The following ZNF354B variants were observed in gnomAD, a reference collection of about 807,000 sequenced individuals.
The protein encoded by ZNF354B is zinc finger protein 354B.
ZNF354B carries 10 observed loss-of-function variants against 12.9 expected under a neutral mutation model. That is an observed-to-expected ratio of 0.77 (90% CI 0.48 to 1.31). The LOEUF is 1.31. Ranked by LOEUF, ZNF354B falls within the 40% of genes most tolerant of loss-of-function variation. The probability of loss-of-function intolerance (pLI) is 0.00; values close to 1 mark genes in which losing one functional copy is unlikely to be tolerated. For synonymous variants in ZNF354B, 260 were observed against 243.7 expected (o/e 1.07, Z -0.62); for missense variants, 614 against 711.7 (o/e 0.86, Z 1.56).
chr5:178,868,390 C>T (rs1757497701), intron 4 of ZNF354B, among the ~76,000 whole-genome samples: 1 of 149,252 alleles, frequency 6.7e-6, no homozygotes, highest in Non-Finnish European at 1.5e-5. Context: ...AGTGGTTGAA[C>T]TGGGGGGGCT....
chr5:178,870,525 C>T (rs1160897656), intron 4 of ZNF354B, among the ~76,000 whole-genome samples: 4 of 152,332 alleles, frequency 2.6e-5, no homozygotes, highest in Middle Eastern at 6.8e-3. Context: ...AATGATCTGT[C>T]CCCCTCAGCC....
rs373461005 is a variant in ZNF354B at position 178,883,480 on chromosome 5, G to A, written c.1028G>A (p.Gly343Glu). Residue 343 changes from glycine to glutamate, a missense_variant, in exon 5 of 5, where the codon GGA becomes GAA. Coordinates refer to ENST00000322434, the MANE Select transcript of ZNF354B (RefSeq NM_058230.3). ...TCCAGTTACAGCACTTCCCTTTCTG[G>A]AAGTCAGAAAATTCATCTCAGAAAG... ...KASSYSTSLS[G>E]SQKIHLRKKS... The A allele has an allele frequency of 5.2e-5, 84 of 1,613,946 alleles. No individual in the cohort carries two copies. The highest frequency in any genetic ancestry group is 1.6e-4 in the Middle Eastern group (1 of 6,084).
At chr5:178,871,317 C>T (rs1318268521) in intron 4 of ZNF354B, among the ~76,000 whole-genome samples, 1 of 152,210 alleles carries the variant, frequency 6.6e-6, no homozygotes, top group African/African-American at 2.4e-5. Flanking sequence ...CTCAGGGCCT[C>T]TGCCCTGCTT....
intron 4 of ZNF354B, among the ~76,000 whole-genome samples, chr5:178,874,466 T>G (rs1757607829): frequency 6.6e-6 from 1 of 152,248 alleles, no homozygotes; most frequent in Non-Finnish European, 1.5e-5. Context: ...TTTTTATCTG[T>G]CTATCTGGCT....
Position 178,883,253 on chromosome 5 carries a change from G to A in ZNF354B, c.801G>A (p.Glu267=), listed in dbSNP as rs147300334. 3.1e-4 allele frequency: 500 copies of A among 1,612,906 alleles called. 3 individuals carry two copies. In the African/African-American group the frequency reaches 5.9e-3, roughly 19 times the overall value. Residue 267 remains glutamate (E), a synonymous_variant, in exon 5 of 5, where the codon GAG becomes GAA. Coordinates refer to ENST00000322434, the MANE Select transcript of ZNF354B (RefSeq NM_058230.3). ...LIQHQRTHTG[E]KPYICKECGK... is the part of the protein sequence containing the mutation. ...AACATCAAAGAACTCATACAGGAGA[G>A]AAACCCTATATATGTAAAGAATGTG...
chr5:178,879,066 T>G (rs1184039359), intron 4 of ZNF354B, among the ~76,000 whole-genome samples: 1 of 151,110 alleles, frequency 6.6e-6, no homozygotes, highest in Admixed American at 6.6e-5. Context: ...CTTTTTTTTT[T>G]GAACTGGAGT....
chr5:178,869,831 G>A (rs757716159), intron 4 of ZNF354B, among the ~76,000 whole-genome samples: 16 of 152,112 alleles, frequency 1.1e-4, no homozygotes, highest in Non-Finnish European at 1.9e-4. Flanking sequence ...AAGTCAGATG[G>A]CATTCCTAGG....
chr5:178,882,929 A>C lies in ZNF354B; in HGVS notation c.477A>C (p.Lys159Asn), dbSNP rs1757741775. ...TKILTVDRSH[K>N]NVEFGQNFYL... is the part of the protein sequence containing the mutation. ...TCCTTACTGTAGATAGAAGCCATAA[A>C]AATGTTGAATTTGGCCAAAACTTCT... is the stretch of plus-strand genomic sequence containing the variant. The change falls in exon 5 of 5, where the codon AAA becomes AAC. Residue 159 changes from lysine (K) to asparagine (N), a missense_variant. Lys to Asn is a moderately conservative substitution (Grantham distance 94). Coordinates refer to ENST00000322434, the MANE Select transcript of ZNF354B (RefSeq NM_058230.3). The C allele has an allele frequency of 6.2e-7, 1 of 1,600,320 alleles. No individual in the cohort carries two copies. Among genetic ancestry groups the C allele is most frequent in the African/African-American group, 1.4e-5 (1 of 74,002 alleles).
In ZNF354B at chr5:178,884,551, GCTAT is replaced by G. The variant is rs536000292; in HGVS notation, c.*265_*268del. On this transcript the variant is annotated 3_prime_UTR_variant, in exon 5 of 5. Coordinates refer to ENST00000322434, the MANE Select transcript of ZNF354B (RefSeq NM_058230.3). The stretch of plus-strand genomic sequence containing the variant: ...TATAAAATCTCTTTATATAATATAT[GCTAT>G]CTATGACATGCAAAAAAGAAAAGTC... 5.3e-5 allele frequency: 17 copies of G among 318,098 alleles called. No individual in the cohort carries two copies. In the South Asian group the frequency reaches 1.4e-3, roughly 26 times the overall value. 19.7% of individuals were successfully genotyped at this position (318,098 alleles called of 1,614,324 possible).
intron 4 of ZNF354B, among the ~76,000 whole-genome samples, chr5:178,872,346 C>T (rs1054096651): frequency 2.0e-5 from 3 of 151,962 alleles, no homozygotes; most frequent in African/African-American, 4.8e-5. Context: ...ATTGCTGAGT[C>T]GTGTTCCATA....
chr5:178,866,266 T>G lies in ZNF354B; in HGVS notation c.56T>G (p.Val19Gly). The stretch of plus-strand genomic sequence containing the variant: ...CAGGTGTCACTGACATTCGAGGACG[T>G]GGCTGTGCTCTTTACCTGGGATGAG... ...RPQVSLTFED[V>G]AVLFTWDEWR... The change falls in exon 3 of 5, where the codon GTG (valine) becomes GGG (glycine). Residue 19 changes from valine to glycine, a missense_variant. Val to Gly is a moderately radical substitution (Grantham distance 109, BLOSUM62 -3). Coordinates refer to ENST00000322434, the MANE Select transcript of ZNF354B (RefSeq NM_058230.3). 1 of 1,614,142 alleles carries G rather than the reference T, an allele frequency of 6.2e-7. No individual in the cohort carries two copies. The highest frequency in any genetic ancestry group is 8.5e-7 in the Non-Finnish European group (1 of 1,180,002).
chr5:178,861,075 C>A lies in ZNF354B; in HGVS notation c.28C>A (p.Pro10Thr), dbSNP rs1409375007. The A allele has an allele frequency of 8.7e-7, 1 of 1,155,002 alleles. No homozygotes were observed. Among genetic ancestry groups the A allele is most frequent in the East Asian group, 2.5e-5 (1 of 39,670 alleles). 71.5% of individuals were successfully genotyped at this position (1,155,002 alleles called of 1,614,324 possible). A position where few individuals can be genotyped will look rare whatever the true frequency, so the allele number is the denominator to read the frequency against. The change falls in exon 2 of 5, where the codon CCC (proline) becomes ACC (threonine). Residue 10 changes from proline (P) to threonine (T), a missense_variant. Pro to Thr is a conservative substitution (Grantham distance 38). Coordinates refer to ENST00000322434, the MANE Select transcript of ZNF354B (RefSeq NM_058230.3). ...GGCTGCTGGGCAGCGGGAAGCGAGG[C>A]CCCAGGTGAGCTCATTGCCCTCCCA... MAAGQREAR[P>T]QVSLTFEDVA...
At chr5:178,881,732 C>T (rs914020317) in intron 4 of ZNF354B, among the ~76,000 whole-genome samples, 2 of 152,250 alleles carry the variant, frequency 1.3e-5, no homozygotes, top group Middle Eastern at 3.4e-3. Flanking sequence ...CAGCCTCCAC[C>T]TCCCAGGTTC....
In ZNF354B at chr5:178,863,375, T is replaced by A. The variant is rs7724419; in HGVS notation, c.33+2295T>A. 1.4e-4 allele frequency among the ~76,000 whole-genome samples: 22 copies of A among 152,330 alleles called. 1 individual carries two copies. The highest frequency in any genetic ancestry group is 3.4e-3 in the Middle Eastern group (1 of 294). On this transcript the variant is annotated intron_variant, in intron 2 of 4. Coordinates refer to ENST00000322434, the MANE Select transcript of ZNF354B (RefSeq NM_058230.3). ...GGTCAATAAAAGACCATAAATGTGA[T>A]AGTGGTCCCATAAGATTAAAACCTA...
At chr5:178,877,742 A>T (rs1229593472) in intron 4 of ZNF354B, among the ~76,000 whole-genome samples, 1 of 152,188 alleles carries the variant, frequency 6.6e-6, no homozygotes, top group African/African-American at 2.4e-5. Flanking sequence ...AAGCCATGAG[A>T]TGAGGAGATT....
chr5:178,875,623 T>A (rs1171331805), intron 4 of ZNF354B, among the ~76,000 whole-genome samples: 6 of 152,110 alleles, frequency 3.9e-5, no homozygotes, highest in Non-Finnish European at 7.4e-5. Flanking sequence ...CTCAGAAACA[T>A]GGAGCCACTG....
chr5:178,870,573 C>T (rs1561667980), intron 4 of ZNF354B, among the ~76,000 whole-genome samples: 1 of 152,202 alleles, frequency 6.6e-6, no homozygotes, highest in Non-Finnish European at 1.5e-5. Flanking sequence ...AGCCACCACA[C>T]CCGGCCTGCT....
chr5:178,883,878 A>G lies in ZNF354B; in HGVS notation c.1426A>G (p.Arg476Gly). The G allele has an allele frequency of 6.2e-7, 1 of 1,614,194 alleles. No homozygotes were observed. The highest frequency in any genetic ancestry group is 8.5e-7 in the Non-Finnish European group (1 of 1,180,010). The change falls in exon 5 of 5, where the codon AGA becomes GGA. Residue 476 changes from arginine to glycine, a missense_variant. Transcript: ENST00000322434. Reference sequence around the variant, plus strand: ...ATGTAAAGTATGTGGAAAAGCCTTCAGACAGAGTTCCGCTCTCATTCAACA... The same window carrying G: ...ATGTAAAGTATGTGGAAAAGCCTTCGGACAGAGTTCCGCTCTCATTCAACA... ...CKCKVCGKAF[R>G]QSSALIQHQR...
In ZNF354B at chr5:178,882,913, T is replaced by C. The variant is rs146049647; in HGVS notation, c.461T>C (p.Val154Ala). 4.6e-4 allele frequency: 735 copies of C among 1,600,180 alleles called. 6 individuals carry two copies. In the South Asian group the frequency reaches 5.7e-3, roughly 13 times the overall value. The part of the protein sequence containing the change: ...ISVAHTKILT[V>A]DRSHKNVEFG... Reference sequence around the variant, plus strand: ...GTTGCCCATACAAAAATCCTTACTGTAGATAGAAGCCATAAAAATGTTGAA... The same window carrying C: ...GTTGCCCATACAAAAATCCTTACTGCAGATAGAAGCCATAAAAATGTTGAA... Residue 154 changes from valine (V) to alanine (A), a missense_variant, in exon 5 of 5, where the codon GTA becomes GCA. Transcript: ENST00000322434.
Sources: allele counts gnomAD v4.1 joint callset (sites outside exome capture counted in the v4.1 genomes callset), GRCh38; gene constraint gnomAD v4.1.1; transcripts MANE v1.5; gene names NCBI Gene and HGNC (gene_info 2026-07-23, HGNC 2026-07-21).